The following AKAP19 variants were observed in gnomAD, a reference collection of about 807,000 sequenced individuals.
AKAP19 encodes the protein A-kinase anchoring protein 19, also known as small A-kinase anchoring protein.
the AKAP19 span, among the ~76,000 whole-genome samples, chr2:190,039,986 G>T: frequency 6.6e-6 from 1 of 152,068 alleles, no homozygotes; most frequent in African/African-American, 2.4e-5. Context: ...ATGAACATTT[G>T]CATGCATGTA....
At chr2:190,082,444 A>G in the AKAP19 span, among the ~76,000 whole-genome samples, 1 of 152,218 alleles carries the variant, frequency 6.6e-6, no homozygotes, top group African/African-American at 2.4e-5. Flanking sequence ...TCTGAATCTC[A>G]TCATTCTTCA....
the AKAP19 span, among the ~76,000 whole-genome samples, chr2:189,897,689 A>T: frequency 6.6e-6 from 1 of 152,198 alleles, no homozygotes; most frequent in Non-Finnish European, 1.5e-5. Flanking sequence ...AAAAACTATC[A>T]GTGTAATATC....
chr2:190,115,563 C>T, the AKAP19 span, among the ~76,000 whole-genome samples: 1 of 150,894 alleles, frequency 6.6e-6, no homozygotes, highest in Non-Finnish European at 1.5e-5. Flanking sequence ...TCGTGATCCG[C>T]CCGCCTCGGC....
chr2:189,977,601 G>C, the AKAP19 span, among the ~76,000 whole-genome samples: 4 of 152,154 alleles, frequency 2.6e-5, 1 homozygote, highest in Non-Finnish European at 5.9e-5. Flanking sequence ...CTCAGGTCTG[G>C]ATTTAGAAGA....
the AKAP19 span, among the ~76,000 whole-genome samples, chr2:190,040,961 C>T: frequency 6.6e-6 from 1 of 152,086 alleles, no homozygotes; most frequent in African/African-American, 2.4e-5. Context: ...TAAAGTGATG[C>T]CTCCCATTTT....
the AKAP19 span, among the ~76,000 whole-genome samples, chr2:190,095,223 A>G: frequency 6.6e-6 from 1 of 152,010 alleles, no homozygotes; most frequent in African/African-American, 2.4e-5. Flanking sequence ...CTCTGTCTCA[A>G]AAAAAAAGTA....
chr2:189,968,220 T>C, the AKAP19 span, among the ~76,000 whole-genome samples: 15 of 152,348 alleles, frequency 9.8e-5, no homozygotes, highest in East Asian at 2.1e-3. Flanking sequence ...GATTAAATGA[T>C]ATAGTTAAAT....
the AKAP19 span, among the ~76,000 whole-genome samples, chr2:189,949,188 C>CA: frequency 3.9e-5 from 6 of 152,114 alleles, no homozygotes; most frequent in African/African-American, 1.4e-4. Context: ...TCACATCAGA[C>CA]AAATACCTCA....
At chr2:190,101,169 C>G in the AKAP19 span, among the ~76,000 whole-genome samples, 1 of 152,196 alleles carries the variant, frequency 6.6e-6, no homozygotes, top group Non-Finnish European at 1.5e-5. Flanking sequence ...ACATGTTTGT[C>G]TCAGGCCAGA....
the AKAP19 span, among the ~76,000 whole-genome samples, chr2:189,965,938 A>G: frequency 6.6e-6 from 1 of 151,654 alleles, no homozygotes; most frequent in Non-Finnish European, 1.5e-5. Context: ...ATTGTGGTAT[A>G]TATGTATGTA....
chr2:189,994,653 C>T, the AKAP19 span, among the ~76,000 whole-genome samples: 1 of 151,808 alleles, frequency 6.6e-6, no homozygotes, highest in Admixed American at 6.6e-5. Flanking sequence ...AGCTGGAGTA[C>T]AGTGGTGCCA....
chr2:190,200,231 C>CAAAT, the AKAP19 span: 2 of 1,079,624 alleles, frequency 1.9e-6, no homozygotes, highest in Admixed American at 3.9e-5. Flanking sequence ...TGAAAAAGTA[C>CAAAT]AAATAACTAT....
chr2:189,959,977 G>A, the AKAP19 span, among the ~76,000 whole-genome samples: 4 of 151,820 alleles, frequency 2.6e-5, no homozygotes, highest in Non-Finnish European at 5.9e-5. Flanking sequence ...CATATTCTTT[G>A]TATAGGGAAA....
chr2:189,987,583 A>G, the AKAP19 span, among the ~76,000 whole-genome samples: 1 of 152,146 alleles, frequency 6.6e-6, no homozygotes, highest in African/African-American at 2.4e-5. Context: ...GTCCTACCTA[A>G]ACTCCCTCCA....
the AKAP19 span, among the ~76,000 whole-genome samples, chr2:190,020,855 C>T: frequency 2.6e-3 from 389 of 152,286 alleles, 3 homozygotes; most frequent in Middle Eastern, 3.4e-3. Context: ...GCATGTTATT[C>T]ATATGCATGG....
chr2:190,054,828 A>G, the AKAP19 span, among the ~76,000 whole-genome samples: 2 of 152,208 alleles, frequency 1.3e-5, no homozygotes, highest in African/African-American at 4.8e-5. Flanking sequence ...TCAGGAAACA[A>G]CAGGTGCTGG....
chr2:190,043,041 G>A, the AKAP19 span, among the ~76,000 whole-genome samples: 1 of 152,142 alleles, frequency 6.6e-6, no homozygotes, highest in Non-Finnish European at 1.5e-5. Context: ...CTGGCTTTTA[G>A]GGTTTCAGCT....
the AKAP19 span, among the ~76,000 whole-genome samples, chr2:189,975,187 ATC>A: frequency 0.011 from 1,724 of 151,984 alleles, 23 homozygotes; most frequent in East Asian, 0.064. Context: ...TGGTGAAAAA[ATC>A]TCTCAGCATT....
the AKAP19 span, among the ~76,000 whole-genome samples, chr2:190,197,466 T>C: frequency 4.6e-5 from 7 of 152,188 alleles, no homozygotes; most frequent in Non-Finnish European, 1.0e-4. This position sits in a 1 kb window ranked among gnomAD's most constrained non-coding sequence, Gnocchi z 4.0. Flanking sequence ...CCCAGTACCC[T>C]TGCCAAGTCT....
Sources: allele counts gnomAD v4.1 joint callset (sites outside exome capture counted in the v4.1 genomes callset), GRCh38; gene constraint gnomAD v4.1.1; non-coding constraint Gnocchi (gnomAD v3.1); transcripts MANE v1.5; gene names NCBI Gene and HGNC (gene_info 2026-07-23, HGNC 2026-07-21).